The following STPG2 variants were observed in gnomAD, a reference collection of about 807,000 sequenced individuals.
STPG2 encodes the protein sperm-tail PG-rich repeat-containing protein 2.
In STPG2, 56 loss-of-function variants were observed where a neutral mutation model predicts 54.2. The observed-to-expected ratio is 1.03, with a 90% CI of 0.83 to 1.29. STPG2 has a LOEUF of 1.29. Among genes scored for constraint, STPG2 ranks in the 50% most tolerant of loss-of-function variants. STPG2 has a pLI of 0.00. For synonymous variants in STPG2, 200 were observed against 181.8 expected (o/e 1.10, Z -0.81); for missense variants, 596 against 544.9 (o/e 1.09, Z -0.93).
chr4:97,865,617 C>A (rs1004325993), intron 8 of STPG2, among the ~76,000 whole-genome samples: 1 of 151,598 alleles, frequency 6.6e-6, no homozygotes, highest in South Asian at 2.1e-4. Context: ...AACCAAACAC[C>A]ACATATTCTC....
Position 98,082,984 on chromosome 4 carries a change from TA to T in STPG2, c.612+22968del, listed in dbSNP as rs535650447. On this transcript the variant is annotated intron_variant, in intron 5 of 10. Transcript: ENST00000295268. ...CTGGATCTCTCCATTCTAGTGCCCT[TA>T]TAGTATAAATAGCATGTTTCTCTTC... Among the ~76,000 whole-genome samples the T allele has an allele frequency of 2.6e-4, 39 of 152,300 alleles. No homozygotes were observed. The East Asian group carries it at 5.8e-3, about 23-fold the overall frequency.
At chr4:97,941,495 T>C (rs1732982830) in intron 8 of STPG2, among the ~76,000 whole-genome samples, 1 of 152,088 alleles carries the variant, frequency 6.6e-6, no homozygotes, top group South Asian at 2.1e-4. Flanking sequence ...CTATTTATAA[T>C]CATCTAATGC....
intron 4 of STPG2, among the ~76,000 whole-genome samples, chr4:97,503,388 T>C (rs1018173774): frequency 1.3e-5 from 2 of 152,060 alleles, no homozygotes; most frequent in East Asian, 1.9e-4. Flanking sequence ...TTTTAAAAAG[T>C]ACTCATTTGA....
Position 97,632,155 on chromosome 4 carries a change from T to G in STPG2, c.1321-73038A>C, listed in dbSNP as rs1240409328. Among the ~76,000 whole-genome samples the G allele has an allele frequency of 6.6e-5, 10 of 152,068 alleles. No homozygotes were observed. In the East Asian group the frequency reaches 1.9e-3, roughly 29 times the overall value. On this transcript the variant is annotated intron_variant, in intron 10 of 10. Coordinates refer to ENST00000295268, the MANE Select transcript of STPG2 (RefSeq NM_174952.3). ...AAAAAGGTTAAAGTTAAAAGTAAGT[T>G]ATCCTTTTTATGGCAATAAACTCCA...
At chr4:97,951,008 A>T (rs1452318859) in intron 7 of STPG2, among the ~76,000 whole-genome samples, 1 of 152,122 alleles carries the variant, frequency 6.6e-6, no homozygotes, top group Non-Finnish European at 1.5e-5. Flanking sequence ...ATATTTACAG[A>T]CCCTGCACTT....
chr4:97,621,204 T>C (rs1286345944), intron 10 of STPG2, among the ~76,000 whole-genome samples: 1 of 151,890 alleles, frequency 6.6e-6, no homozygotes, highest in African/African-American at 2.4e-5. Context: ...GATCTAAAAT[T>C]AACAATCTAA....
intron 5 of STPG2, among the ~76,000 whole-genome samples, chr4:98,021,537 T>C (rs1294163249): frequency 6.6e-6 from 1 of 152,172 alleles, no homozygotes; most frequent in Non-Finnish European, 1.5e-5. Context: ...TTAGGTCTGC[T>C]TGGTGCAGAG....
intron 5 of STPG2, among the ~76,000 whole-genome samples, chr4:98,014,026 T>C (rs1735844051): frequency 6.6e-6 from 1 of 152,154 alleles, no homozygotes; most frequent in Non-Finnish European, 1.5e-5. Context: ...TGGATTTGTT[T>C]GCTCTTGCTT....
At chr4:97,991,338 A>ATGTG (rs1734999666) in intron 5 of STPG2, among the ~76,000 whole-genome samples, 2 of 151,158 alleles carry the variant, frequency 1.3e-5, no homozygotes, top group Non-Finnish European at 2.9e-5. Context: ...ACACATATAT[A>ATGTG]TATGTGTGTA....
chr4:98,093,854 T>C (rs906783432), intron 5 of STPG2, among the ~76,000 whole-genome samples: 4 of 152,104 alleles, frequency 2.6e-5, no homozygotes, highest in African/African-American at 4.8e-5. Flanking sequence ...AGAAGGAGCA[T>C]TTGGACTAGC....
At chr4:98,095,177 C>A (rs572383754) in intron 5 of STPG2, among the ~76,000 whole-genome samples, 3 of 151,938 alleles carry the variant, frequency 2.0e-5, no homozygotes, top group Non-Finnish European at 4.4e-5. Flanking sequence ...AAAAAACATA[C>A]AACATATAAG....
At chr4:97,693,796 A>G (rs1723460841) in intron 10 of STPG2, among the ~76,000 whole-genome samples, 1 of 152,216 alleles carries the variant, frequency 6.6e-6, no homozygotes, top group Non-Finnish European at 1.5e-5. Context: ...ATTCAAGAAA[A>G]TCAAATTATA....
chr4:97,636,142 T>C (rs1302307566), intron 10 of STPG2, among the ~76,000 whole-genome samples: 4 of 149,432 alleles, frequency 2.7e-5, no homozygotes, highest in African/African-American at 9.9e-5. Context: ...ACAAACTATC[T>C]CTCAGACCAC....
chr4:98,072,579 A>G (rs1738037266), intron 5 of STPG2, among the ~76,000 whole-genome samples: 1 of 49,222 alleles, frequency 2.0e-5, no homozygotes, highest in Non-Finnish European at 5.1e-5. Context: ...ATAATAAAAT[A>G]AAATAAAATA....
At chr4:97,853,959 T>C (rs1225012772) in intron 8 of STPG2, among the ~76,000 whole-genome samples, 1 of 152,082 alleles carries the variant, frequency 6.6e-6, no homozygotes, top group Non-Finnish European at 1.5e-5. Context: ...TTTGGGGCTT[T>C]TTGTGGGGAG....
intron 9 of STPG2, among the ~76,000 whole-genome samples, chr4:97,735,716 T>A (rs1158077004): frequency 6.6e-6 from 1 of 151,028 alleles, no homozygotes; most frequent in African/African-American, 2.4e-5. Context: ...TATGTGTATA[T>A]CATTACAATA....
chr4:97,720,237 C>A (rs1309621511), intron 9 of STPG2, among the ~76,000 whole-genome samples: 1 of 151,800 alleles, frequency 6.6e-6, no homozygotes, highest in East Asian at 1.9e-4. Flanking sequence ...CACCTTTAGT[C>A]TTCTCTTTTG....
chr4:97,948,649 A>G (rs923834843), intron 7 of STPG2, among the ~76,000 whole-genome samples: 43 of 152,060 alleles, frequency 2.8e-4, no homozygotes, highest in Non-Finnish European at 1.0e-4. Context: ...TTTAATTTCC[A>G]ACTTGATTTC....
At chr4:97,681,993 A>C (rs547527878) in intron 10 of STPG2, among the ~76,000 whole-genome samples, 43 of 151,952 alleles carry the variant, frequency 2.8e-4, no homozygotes, top group Admixed American at 9.2e-4. Flanking sequence ...GATTATTAAT[A>C]ATAAGCAATA....
Sources: gnomAD v4.1 joint callset for allele counts (sites outside exome capture counted in the v4.1 genomes callset) on GRCh38, gnomAD v4.1.1 for gene constraint, MANE v1.5 for transcripts, NCBI Gene and HGNC (gene_info 2026-07-23, HGNC 2026-07-21) for gene names.